Variants in MLLT10 observed in about 807,000 individuals in gnomAD.
MLLT10 encodes protein AF-10.
MLLT10 carries 30 observed loss-of-function variants against 129.1 expected under a neutral mutation model. The observed-to-expected ratio is 0.23, with a 90% CI of 0.17 to 0.32. The LOEUF (loss-of-function observed/expected upper bound fraction) is 0.32, where lower values mean the gene tolerates loss of function less well. Ranked by LOEUF, MLLT10 falls within the 10% of genes least tolerant of loss-of-function variation. The pLI, the probability that MLLT10 is intolerant of heterozygous loss-of-function variation, is 1.00. For synonymous variants in MLLT10, 490 were observed against 446.4 expected (o/e 1.10, Z -1.23); for missense variants, 1,119 against 1,268.3 (o/e 0.88, Z 1.79).
At chr10:21,559,508 T>C (rs2038521742) in intron 3 of MLLT10, among the ~76,000 whole-genome samples, 2 of 152,380 alleles carry the variant, frequency 1.3e-5, no homozygotes, top group Non-Finnish European at 2.9e-5. Flanking sequence ...ACCATTTTTA[T>C]GTATACAGTT....
chr10:21,714,357 C>T (rs954531577), intron 14 of MLLT10, among the ~76,000 whole-genome samples: 2 of 151,046 alleles, frequency 1.3e-5, no homozygotes, highest in African/African-American at 2.4e-5. Flanking sequence ...TAAAAAAAAC[C>T]GTGTAGGAGA....
intron 19 of MLLT10, 72 bp downstream of exon 19, chr10:21,733,664 T>G: frequency 1.4e-6 from 2 of 1,471,822 alleles, no homozygotes; most frequent in South Asian, 2.8e-5. Flanking sequence ...TGGTTTAAAA[T>G]TATTTTAAAC....
chr10:21,682,340 T>C (rs1589618764), intron 13 of MLLT10, 83 bp downstream of exon 13: 1 of 1,303,306 alleles, frequency 7.7e-7, no homozygotes, highest in African/African-American at 1.5e-5. Context: ...AAAGCTAGCA[T>C]GTTCTATTGA....
chr10:21,599,773 G>T (rs2043347293), intron 5 of MLLT10, among the ~76,000 whole-genome samples: 1 of 152,026 alleles, frequency 6.6e-6, no homozygotes, highest in Non-Finnish European at 1.5e-5. Flanking sequence ...TCATAATGAT[G>T]CCCAGGCTGA....
At chr10:21,733,329 G>A (rs2058101618) in intron 18 of MLLT10, among the ~76,000 whole-genome samples, 175 bp from the exon 19 acceptor site, 3 of 151,874 alleles carry the variant, frequency 2.0e-5, no homozygotes, top group Admixed American at 2.0e-4. Flanking sequence ...TTAAAGCGAT[G>A]GTATTCAATA....
chr10:21,645,788 G>C (rs1232943251), intron 8 of MLLT10, among the ~76,000 whole-genome samples: 2 of 152,136 alleles, frequency 1.3e-5, no homozygotes, highest in African/African-American at 4.8e-5. Context: ...TTGGCCTTAA[G>C]ATATGAACTT....
intron 8 of MLLT10, among the ~76,000 whole-genome samples, chr10:21,623,809 G>A (rs1324605692): frequency 6.6e-6 from 1 of 152,184 alleles, no homozygotes; most frequent in East Asian, 1.9e-4. Context: ...TCTAAGAATT[G>A]TGAAGCTGTG....
chr10:21,567,522 T>C (rs2039722194), intron 3 of MLLT10, among the ~76,000 whole-genome samples: 1 of 152,152 alleles, frequency 6.6e-6, no homozygotes, highest in Admixed American at 6.5e-5. Flanking sequence ...TCCCTACTTT[T>C]CTCCACTGAC....
At chr10:21,550,959 T>C (rs2036904372) in intron 3 of MLLT10, among the ~76,000 whole-genome samples, 1 of 151,076 alleles carries the variant, frequency 6.6e-6, no homozygotes, top group Admixed American at 6.6e-5. Context: ...GGAGTCTTGC[T>C]CTGTCACCCA....
intron 8 of MLLT10, among the ~76,000 whole-genome samples, chr10:21,634,528 A>G (rs563597534): frequency 1.8e-4 from 28 of 152,274 alleles, no homozygotes; most frequent in Non-Finnish European, 3.5e-4. Flanking sequence ...TCCCTGTGAG[A>G]TATTACTTGA....
chr10:21,581,432 A>G (rs1338504039), intron 3 of MLLT10, among the ~76,000 whole-genome samples: 3 of 152,236 alleles, frequency 2.0e-5, no homozygotes, highest in South Asian at 2.1e-4. Flanking sequence ...GGGCTTTACC[A>G]TGAATGAAGC....
chr10:21,610,212 A>G (rs1304434672), intron 5 of MLLT10, among the ~76,000 whole-genome samples: 1 of 152,174 alleles, frequency 6.6e-6, no homozygotes, highest in Non-Finnish European at 1.5e-5. Flanking sequence ...TGGGGCAGGG[A>G]TGATAGGACC....
chr10:21,545,093 C>T (rs952724501), intron 3 of MLLT10, among the ~76,000 whole-genome samples: 1 of 151,886 alleles, frequency 6.6e-6, no homozygotes, highest in Non-Finnish European at 1.5e-5. Context: ...TGTGGTGAGC[C>T]GAGATCGCGC....
chr10:21,589,273 A>G (rs1005966605), intron 4 of MLLT10, among the ~76,000 whole-genome samples: 1 of 148,694 alleles, frequency 6.7e-6, no homozygotes, highest in East Asian at 2.0e-4. Flanking sequence ...TTAATCTTTC[A>G]TGATGTCTGT....
At chr10:21,646,050 C>G (rs749348416) in intron 8 of MLLT10, among the ~76,000 whole-genome samples, 1 of 152,108 alleles carries the variant, frequency 6.6e-6, no homozygotes, top group Non-Finnish European at 1.5e-5. Context: ...ACTAAAAATA[C>G]AAAAGTTAGC....
rs142171956 is a variant in MLLT10 at position 21,727,355 on chromosome 10, G to GT, written c.1991-500dup. Among the ~76,000 whole-genome samples the GT allele has an allele frequency of 3.8e-3, 574 of 152,118 alleles. 4 individuals are homozygous for GT. Among genetic ancestry groups the GT allele is most frequent in the African/African-American group, 0.013 (542 of 41,496 alleles). ...TCAATTTGGAAATTTAGTGTTTTAT[G>GT]TAATTTTATTCTTGGTGTAAGGCTC... On this transcript the variant is annotated intron_variant, in intron 15 of 22. Coordinates refer to ENST00000307729, the MANE Select transcript of MLLT10 (RefSeq NM_001195626.3).
At chr10:21,568,718 A>G (rs1253354327) in intron 3 of MLLT10, among the ~76,000 whole-genome samples, 1 of 151,860 alleles carries the variant, frequency 6.6e-6, no homozygotes, top group South Asian at 2.1e-4. Flanking sequence ...GCTCACTGCA[A>G]ACTCCGCCTC....
intron 13 of MLLT10, among the ~76,000 whole-genome samples, chr10:21,690,301 A>G (rs2053729091): frequency 6.6e-6 from 1 of 152,038 alleles, no homozygotes. Flanking sequence ...TTGAAGGAAG[A>G]CAGAGAATCA....
At chr10:21,704,343 CTCTCTCTCTCTCTCTATATA>C (rs973966894) in intron 13 of MLLT10, among the ~76,000 whole-genome samples, 1 of 58,842 alleles carries the variant, frequency 1.7e-5, no homozygotes, top group African/African-American at 6.0e-5. Flanking sequence ...CTCTCTCTCT[CTCTCTCTCTCTCTCTATATA>C]TATATATATA....
Sources: gnomAD v4.1 joint callset for allele counts (sites outside exome capture counted in the v4.1 genomes callset) on GRCh38, gnomAD v4.1.1 for gene constraint, MANE v1.5 for transcripts, NCBI Gene and HGNC (gene_info 2026-07-23, HGNC 2026-07-21) for gene names.